Variants in ITPA observed in about 807,000 individuals in gnomAD.
ITPA encodes the protein inosine triphosphate pyrophosphatase.
ITPA carries 29 observed loss-of-function variants against 29.6 expected under a neutral mutation model. The observed-to-expected ratio is 0.98, with a 90% CI of 0.73 to 1.34. ITPA has a LOEUF of 1.34. Ranked by LOEUF, ITPA falls within the 40% of genes most tolerant of loss-of-function variation. The pLI is 0.00. For missense variants in ITPA, 241 were observed against 251.5 expected, an observed-to-expected ratio of 0.96 and a Z score of 0.28; for synonymous variants, 103 against 99.3, an observed-to-expected ratio of 1.04 and a Z score of -0.22.
Position 3,223,654 on chromosome 20 carries a change from AT to A in ITPA, c.*194del. 1 of 623,758 alleles carries A rather than the reference AT, an allele frequency of 1.6e-6. No homozygotes were observed. The highest frequency in any genetic ancestry group is 1.8e-5 in the South Asian group (1 of 54,250). The allele number at this position is 623,758 out of a possible 1,614,324, so 38.6% of individuals were successfully genotyped here. ...TGAGAAACTCTGGCAAGTGGACGCC[AT>A]TCTCTTGCCCTTAGGATTCACTGCT... On this transcript the variant is annotated 3_prime_UTR_variant, in exon 8 of 8. Transcript: ENST00000380113.
Position 3,215,307 on chromosome 20 carries a change from C to T in ITPA, c.290C>T (p.Pro97Leu), listed in dbSNP as rs1296634067. ...AAGTGGTTTCTGGAGAAGTTAAAGC[C>T]TGAAGGTATTATCTGCTTTGTTTCT... is the stretch of plus-strand genomic sequence containing the variant. Reference protein sequence around the residue: ...YIKWFLEKLKPEGLHQLLAGF... With the variant: ...YIKWFLEKLKLEGLHQLLAGF... The change falls in exon 5 of 8, where the codon CCT becomes CTT. Residue 97 changes from proline to leucine, a missense_variant. Transcript: ENST00000380113. The T allele has an allele frequency of 1.2e-6, 2 of 1,613,816 alleles. No homozygotes were observed. Among genetic ancestry groups the T allele is most frequent in the Non-Finnish European group, 1.7e-6 (2 of 1,179,740 alleles).
upstream of ITPA, among the ~76,000 whole-genome samples, chr20:3,207,696 A>AAACAAC (rs369887745): frequency 6.2e-4 from 93 of 150,696 alleles, 2 homozygotes; most frequent in East Asian, 0.013. Context: ...CTCCATCTCA[A>AAACAAC]AACAACAACA....
intron 1 of ITPA, among the ~76,000 whole-genome samples, chr20:3,211,583 CCTGGGTTCA>C (rs2067176142): frequency 6.6e-6 from 1 of 152,184 alleles, no homozygotes; most frequent in African/African-American, 2.4e-5. Context: ...ACCTCCGCCT[CCTGGGTTCA>C]AGCAATCCTC....
intron 1 of ITPA, among the ~76,000 whole-genome samples, chr20:3,211,492 T>TTTTGTTTTG (rs1555773135): frequency 3.3e-5 from 5 of 150,098 alleles, no homozygotes; most frequent in African/African-American, 1.2e-4. Flanking sequence ...TTTTGTTTTG[T>TTTTGTTTTG]TTTGTTTGTT....
At chr20:3,204,458 C>A (rs945834548), upstream of ITPA, 26 of 1,427,292 alleles carry the variant, frequency 1.8e-5, no homozygotes, top group Middle Eastern at 3.5e-4. Flanking sequence ...CGCGCAGGAG[C>A]CGCGGCGCGA....
chr20:3,220,056 A>G (rs1600529065), intron 6 of ITPA, among the ~76,000 whole-genome samples: 1 of 148,846 alleles, frequency 6.7e-6, no homozygotes, highest in African/African-American at 2.5e-5. Flanking sequence ...AAAAAAAAAA[A>G]AAAAAACAAA....
chr20:3,215,743 C>T (rs115319517), intron 5 of ITPA, among the ~76,000 whole-genome samples: 2,458 of 151,740 alleles, frequency 0.016, 76 homozygotes, highest in African/African-American at 0.055. Context: ...TGGAGTACAC[C>T]GGTGTGATCT....
upstream of ITPA, among the ~76,000 whole-genome samples, chr20:3,207,687 TC>T (rs1266478009): frequency 9.3e-6 from 1 of 107,918 alleles, no homozygotes; most frequent in Non-Finnish European, 2.3e-5. Flanking sequence ...AGAGCAAGAC[TC>T]CATCTCAAAA....
upstream of ITPA, among the ~76,000 whole-genome samples, chr20:3,206,793 T>C (rs1439312288): frequency 6.7e-6 from 1 of 148,388 alleles, no homozygotes; most frequent in African/African-American, 2.5e-5. Flanking sequence ...ATCGCGCCAC[T>C]GCACTCCAGC....
chr20:3,218,527 G>T lies in ITPA; in HGVS notation c.306G>T (p.Gln102His). ...LEKLKPEGLH[Q>H]LLAGFEDKSA... ...ACTGCCCACCCGCAGGTCTCCACCA[G>T]CTCCTGGCCGGGTTCGAGGACAAGT... Residue 102 changes from glutamine to histidine, a missense_variant, in exon 6 of 8, where the codon CAG (glutamine) becomes CAT (histidine). Physicochemically the swap from Gln to His is conservative, Grantham distance 24. Transcript: ENST00000380113. 6.2e-7 allele frequency: 1 copy of T among 1,613,764 alleles called. No homozygotes were observed. The highest frequency in any genetic ancestry group is 8.5e-7 in the Non-Finnish European group (1 of 1,179,890).
At chr20:3,216,975 AG>A (rs2067319973) in intron 5 of ITPA, among the ~76,000 whole-genome samples, 1 of 149,930 alleles carries the variant, frequency 6.7e-6, no homozygotes, top group Non-Finnish European at 1.5e-5. Flanking sequence ...CTGCCTCCTG[AG>A]TTCAAGTGAT....
Position 3,221,817 on chromosome 20 carries a change from C to T in ITPA, c.412-24C>T, listed in dbSNP as rs755216422. ...CTTGTCCTCTGGACCCAGTTACACA[C>T]CTGTCCCCCCTTTCCTGTGGCAGGG... On this transcript the variant is annotated intron_variant, in intron 6 of 7. Transcript: ENST00000380113. 2.5e-6 allele frequency: 4 copies of T among 1,612,460 alleles called. No individual in the cohort carries two copies. In the African/African-American group the frequency reaches 4.0e-5, roughly 16 times the overall value.
chr20:3,215,139 T>G, intron 4 of ITPA, 142 bp from the exon 5 acceptor site: 1 of 785,698 alleles, frequency 1.3e-6, no homozygotes, highest in East Asian at 2.6e-5. Flanking sequence ...AGTGCTGGGA[T>G]TATAGGCGGG....
chr20:3,212,011 C>T (rs926288154), intron 1 of ITPA, among the ~76,000 whole-genome samples: 5 of 151,954 alleles, frequency 3.3e-5, no homozygotes, highest in African/African-American at 9.7e-5. Flanking sequence ...CAAAGTGAGA[C>T]CCTAGCTCTA....
intron 6 of ITPA, among the ~76,000 whole-genome samples, chr20:3,220,416 G>C (rs2067432567): frequency 1.3e-5 from 2 of 151,956 alleles, no homozygotes; most frequent in South Asian, 4.2e-4. Flanking sequence ...TTGTTGCGTG[G>C]TTGAGGTTCA....
intron 1 of ITPA, among the ~76,000 whole-genome samples, chr20:3,211,736 G>A (rs931486875): frequency 6.6e-6 from 1 of 152,106 alleles, no homozygotes; most frequent in Non-Finnish European, 1.5e-5. Context: ...CAGGTGATCC[G>A]CCCGCCAGGG....
chr20:3,225,011 C>A (rs1331934867), downstream of ITPA, among the ~76,000 whole-genome samples: 2 of 152,124 alleles, frequency 1.3e-5, no homozygotes. Context: ...TCATAACCAG[C>A]CTGTGCAACA....
At chr20:3,206,703 C>T (rs1161170134), upstream of ITPA, among the ~76,000 whole-genome samples, 3 of 149,298 alleles carry the variant, frequency 2.0e-5, no homozygotes, top group Admixed American at 1.3e-4. Context: ...TGGTGGTGGG[C>T]GCCTGTAGTC....
downstream of ITPA, chr20:3,223,874 A>G (rs1398714060): frequency 2.3e-5 from 3 of 131,186 alleles, no homozygotes; most frequent in Non-Finnish European, 4.3e-5. Flanking sequence ...TGCCCCAGGC[A>G]GGTGTCTGTC....
Sources: allele counts gnomAD v4.1 joint callset (sites outside exome capture counted in the v4.1 genomes callset), GRCh38; gene constraint gnomAD v4.1.1; transcripts MANE v1.5; gene names NCBI Gene and HGNC (gene_info 2026-07-23, HGNC 2026-07-21).